Variants in MAML2 observed in about 807,000 individuals in gnomAD.
The protein encoded by MAML2 is mastermind-like protein 2.
A neutral mutation model predicts 96.1 loss-of-function variants in MAML2; 22 were observed. The observed-to-expected ratio is 0.23, with a 90% confidence interval of 0.16 to 0.33. MAML2 has a LOEUF of 0.33. Ranked by LOEUF, MAML2 falls within the 10% of genes least tolerant of loss-of-function variation. The probability of loss-of-function intolerance (pLI) is 1.00; values close to 1 mark genes in which losing one functional copy is unlikely to be tolerated. For synonymous variants in MAML2, 561 were observed against 521.3 expected (o/e 1.08, Z -1.04); for missense variants, 1,367 against 1,392.4 (o/e 0.98, Z 0.29).
At chr11:96,093,779 A>C (rs1432256329) in intron 1 of MAML2, among the ~76,000 whole-genome samples, 4 of 152,228 alleles carry the variant, frequency 2.6e-5, no homozygotes, top group African/African-American at 9.6e-5. Context: ...TGAGTGGTTC[A>C]TAGGTCAATG....
In MAML2 at chr11:96,162,863, A is replaced by C. The variant is rs1206967326; in HGVS notation, c.514-69346T>G. 2.6e-5 allele frequency among the ~76,000 whole-genome samples: 4 copies of C among 152,308 alleles called. No homozygotes were observed. In the South Asian group the frequency reaches 8.3e-4, roughly 32 times the overall value. On this transcript the variant is annotated intron_variant, in intron 1 of 4. Transcript: ENST00000524717. ...ATGCGAAAAGCCTGGAGTCTGGCAT[A>C]GTTTGATTAAATGACCATCCTTCCC...
At chr11:96,067,827 C>T (rs1365445126) in intron 2 of MAML2, among the ~76,000 whole-genome samples, 1 of 152,124 alleles carries the variant, frequency 6.6e-6, no homozygotes, top group African/African-American at 2.4e-5. Context: ...CAAAGAACAA[C>T]TTCAAATATT....
intron 2 of MAML2, among the ~76,000 whole-genome samples, chr11:96,032,269 C>T (rs1025327733): frequency 6.6e-6 from 1 of 151,988 alleles, no homozygotes; most frequent in African/African-American, 2.4e-5. Flanking sequence ...AATCCCACTC[C>T]TAGGTATTTA....
chr11:96,291,898 T>C (rs1863218034), intron 1 of MAML2, among the ~76,000 whole-genome samples: 1 of 152,202 alleles, frequency 6.6e-6, no homozygotes, highest in Non-Finnish European at 1.5e-5. Flanking sequence ...GGCTGGACTC[T>C]GGGGTGGCTG....
intron 2 of MAML2, among the ~76,000 whole-genome samples, chr11:96,073,951 G>A (rs191034113): frequency 6.6e-6 from 1 of 152,058 alleles, no homozygotes; most frequent in Non-Finnish European, 1.5e-5. Flanking sequence ...TTCATGCAAG[G>A]GATTTACCAA....
chr11:96,105,616 T>C (rs912688425), intron 1 of MAML2, among the ~76,000 whole-genome samples: 23 of 152,250 alleles, frequency 1.5e-4, no homozygotes, highest in Non-Finnish European at 1.0e-4. Flanking sequence ...GATGTCATCA[T>C]TCTTTTGAAA....
At position 95,979,063 on chromosome 11, in the gene MAML2, C is replaced by T. The variant is rs1465839071; in HGVS notation, c.3356G>A (p.Gly1119Asp). The stretch of plus-strand genomic sequence containing the variant: ...ATCAGCATCACTGTTTAGGGCAGGG[C>T]CCATGTTATCATTTTGTTGGCTGAG... ...DFLSQQNDNMGPALNSDADFI... is the reference protein window; with the variant it reads ...DFLSQQNDNMDPALNSDADFI... Residue 1119 changes from glycine to aspartate, a missense_variant, in exon 5 of 5, where the codon GGC becomes GAC. Coordinates refer to ENST00000524717, the MANE Select transcript of MAML2 (RefSeq NM_032427.4). The T allele has an allele frequency of 2.5e-6, 4 of 1,613,812 alleles. No homozygotes were observed. The African/African-American group carries it at 4.0e-5, about 16-fold the overall frequency.
At chr11:96,147,532 C>G (rs780539317) in intron 1 of MAML2, among the ~76,000 whole-genome samples, 1 of 152,110 alleles carries the variant, frequency 6.6e-6, no homozygotes, top group Non-Finnish European at 1.5e-5. Flanking sequence ...TTTTATAGTT[C>G]AAGTCAGAAA....
chr11:96,139,983 G>A (rs528175391), intron 1 of MAML2, among the ~76,000 whole-genome samples: 2 of 152,336 alleles, frequency 1.3e-5, no homozygotes, highest in East Asian at 3.9e-4. Flanking sequence ...TGCAGAAAAT[G>A]AGGAAAACTT....
At chr11:96,049,235 T>C (rs949198329) in intron 2 of MAML2, among the ~76,000 whole-genome samples, 1 of 152,204 alleles carries the variant, frequency 6.6e-6, no homozygotes, top group South Asian at 2.1e-4. Context: ...TACTCCTCTT[T>C]GTACTTTGTG....
intron 2 of MAML2, among the ~76,000 whole-genome samples, chr11:96,007,168 AATTT>A (rs1565187914): frequency 1.5e-5 from 2 of 134,386 alleles, no homozygotes; most frequent in African/African-American, 3.7e-5. Flanking sequence ...ATGTCCAGTT[AATTT>A]TTTTTTTTTT....
At chr11:95,999,723 C>T (rs1858051825) in intron 2 of MAML2, among the ~76,000 whole-genome samples, 1 of 152,096 alleles carries the variant, frequency 6.6e-6, no homozygotes, top group Admixed American at 6.6e-5. Flanking sequence ...TACTTGAGAT[C>T]CATGAGAGTA....
At chr11:96,208,476 T>C (rs1861924761) in intron 1 of MAML2, among the ~76,000 whole-genome samples, 2 of 152,312 alleles carry the variant, frequency 1.3e-5, no homozygotes, top group South Asian at 4.1e-4. Context: ...TTTTCTTTAG[T>C]TGTTACAGTC....
At chr11:96,319,842 T>C (rs1190233029) in intron 1 of MAML2, among the ~76,000 whole-genome samples, 1 of 152,212 alleles carries the variant, frequency 6.6e-6, no homozygotes, top group African/African-American at 2.4e-5. Flanking sequence ...CCCATAAAAC[T>C]AAATAATCCG....
chr11:96,052,959 G>A (rs1002673305), intron 2 of MAML2, among the ~76,000 whole-genome samples: 3 of 152,214 alleles, frequency 2.0e-5, no homozygotes, highest in Admixed American at 6.5e-5. Context: ...GAAGTCTAGG[G>A]TGAGACTTAA....
intron 2 of MAML2, among the ~76,000 whole-genome samples, chr11:96,047,817 C>T (rs1858926375): frequency 6.9e-6 from 1 of 144,840 alleles, no homozygotes; most frequent in Non-Finnish European, 1.5e-5. Context: ...GAGTCTGAGG[C>T]AGGAGAATCG....
chr11:96,244,272 G>A (rs1390352685), intron 1 of MAML2, among the ~76,000 whole-genome samples: 1 of 152,202 alleles, frequency 6.6e-6, no homozygotes, highest in Non-Finnish European at 1.5e-5. Flanking sequence ...CACAACAATG[G>A]TATCTTAATA....
chr11:96,071,978 G>T (rs988608145), intron 2 of MAML2, among the ~76,000 whole-genome samples: 1 of 152,170 alleles, frequency 6.6e-6, no homozygotes, highest in Non-Finnish European at 1.5e-5. Flanking sequence ...TGATTGTTGA[G>T]CCAAATATAC....
At chr11:96,107,753 C>T (rs1056951360) in intron 1 of MAML2, among the ~76,000 whole-genome samples, 2 of 152,080 alleles carry the variant, frequency 1.3e-5, no homozygotes, top group Non-Finnish European at 2.9e-5. Context: ...TTTAATCAAC[C>T]ACGTCTATGT....
Sources: gnomAD v4.1 joint callset for allele counts (sites outside exome capture counted in the v4.1 genomes callset) on GRCh38, gnomAD v4.1.1 for gene constraint, MANE v1.5 for transcripts, NCBI Gene and HGNC (gene_info 2026-07-23, HGNC 2026-07-21) for gene names.